The following CCDC138 variants were observed in gnomAD, a reference collection of about 807,000 sequenced individuals.
CCDC138 encodes the protein coiled-coil domain-containing protein 138.
A neutral mutation model predicts 82.3 loss-of-function variants in CCDC138; 66 were observed. The ratio of observed to expected loss-of-function variants is 0.80; its 90% CI spans 0.66 to 0.98. The LOEUF is 0.98. CCDC138 is among the 50% of genes least tolerant of loss of function. CCDC138 has a pLI of 0.00. For synonymous variants in CCDC138, 297 were observed against 265.4 expected (o/e 1.12, Z -1.16); for missense variants, 816 against 758.9 (o/e 1.08, Z -0.88).
chr2:108,875,305 AACTT>A (rs1490265550), intron 14 of CCDC138, among the ~76,000 whole-genome samples: 1 of 121,494 alleles, frequency 8.2e-6, no homozygotes, highest in Non-Finnish European at 1.7e-5. Context: ...TGTACCCTAA[AACTT>A]AAAGTATAAT....
intron 13 of CCDC138, among the ~76,000 whole-genome samples, chr2:108,871,624 A>G (rs1352130180): frequency 6.6e-6 from 1 of 152,148 alleles, no homozygotes; most frequent in Non-Finnish European, 1.5e-5. Flanking sequence ...TACATTGTTT[A>G]TGTTGGTAAA....
Position 108,843,890 on chromosome 2 carries a change from T to G in CCDC138, c.1324-2848T>G, listed in dbSNP as rs1490187249. Among the ~76,000 whole-genome samples, 12 of 130,218 alleles carry G rather than the reference T, an allele frequency of 9.2e-5. No homozygotes were observed. In the South Asian group the frequency reaches 3.2e-3, roughly 35 times the overall value. The allele number at this position is 130,218 out of a possible 152,430, so 85.4% of individuals were successfully genotyped here. On this transcript the variant is annotated intron_variant, in intron 11 of 14. Transcript: ENST00000295124. ...TGTGTGTGTGTGTGTTTCTTTCTTT[T>G]TTTTTTTTTTTTTTTTTTGAGACAG...
chr2:108,790,015 A>G (rs759630543), intron 3 of CCDC138, among the ~76,000 whole-genome samples: 1 of 152,216 alleles, frequency 6.6e-6, no homozygotes, highest in Non-Finnish European at 1.5e-5. Flanking sequence ...AAGTATCTGT[A>G]TGTTACATAA....
At chr2:108,788,167 C>T in intron 2 of CCDC138, 78 bp downstream of exon 2, 1 of 1,472,324 alleles carries the variant, frequency 6.8e-7, no homozygotes, top group East Asian at 2.4e-5. Flanking sequence ...GCCTGTAATC[C>T]CAGCACTTTG....
At chr2:108,864,199 A>G (rs181036500) in intron 13 of CCDC138, among the ~76,000 whole-genome samples, 1 of 152,356 alleles carries the variant, frequency 6.6e-6, no homozygotes, top group Admixed American at 6.5e-5. Flanking sequence ...GATGGGGGAT[A>G]AAATCTAACC....
chr2:108,879,986 G>A (rs529777321), downstream of CCDC138, among the ~76,000 whole-genome samples: 27 of 152,298 alleles, frequency 1.8e-4, no homozygotes, highest in Non-Finnish European at 2.1e-4. Flanking sequence ...AACTAAAAAT[G>A]TTAAGAGAAC....
chr2:108,829,843 C>T (rs565063688), intron 10 of CCDC138, among the ~76,000 whole-genome samples: 13 of 152,270 alleles, frequency 8.5e-5, no homozygotes, highest in African/African-American at 2.9e-4. Flanking sequence ...ATGTAAAATG[C>T]AGCTGCTGTG....
At chr2:108,850,615 C>A (rs1318554025) in intron 12 of CCDC138, among the ~76,000 whole-genome samples, 1 of 152,104 alleles carries the variant, frequency 6.6e-6, no homozygotes, top group African/African-American at 2.4e-5. Context: ...CCACACCCTG[C>A]TAATTTTTTC....
chr2:108,842,083 G>T (rs1689587151), intron 11 of CCDC138, among the ~76,000 whole-genome samples: 1 of 152,230 alleles, frequency 6.6e-6, no homozygotes, highest in Middle Eastern at 3.4e-3. Flanking sequence ...AGGCAGGAGT[G>T]CAGTGATGAT....
At chr2:108,863,283 T>A (rs1325686114) in intron 13 of CCDC138, among the ~76,000 whole-genome samples, 2 of 152,238 alleles carry the variant, frequency 1.3e-5, no homozygotes, top group African/African-American at 2.4e-5. Flanking sequence ...AACCTAATCC[T>A]ACATACATAT....
At chr2:108,821,818 G>C (rs1204806301) in intron 10 of CCDC138, among the ~76,000 whole-genome samples, 1 of 151,368 alleles carries the variant, frequency 6.6e-6, no homozygotes, top group Non-Finnish European at 1.5e-5. Context: ...AGTGGTGGGT[G>C]CCTATAATCC....
chr2:108,829,897 A>G (rs1687268857), intron 10 of CCDC138, among the ~76,000 whole-genome samples: 1 of 152,220 alleles, frequency 6.6e-6, no homozygotes, highest in Non-Finnish European at 1.5e-5. Flanking sequence ...ACATAGAATT[A>G]CCTTATGCAG....
At chr2:108,849,705 A>G (rs567031198) in intron 12 of CCDC138, among the ~76,000 whole-genome samples, 6 of 152,350 alleles carry the variant, frequency 3.9e-5, no homozygotes, top group Admixed American at 2.6e-4. Flanking sequence ...TCACTGTGGA[A>G]CAAGGAAGAG....
chr2:108,829,737 C>CT (rs1450200718), intron 10 of CCDC138, among the ~76,000 whole-genome samples: 4 of 152,140 alleles, frequency 2.6e-5, no homozygotes, highest in Non-Finnish European at 5.9e-5. Context: ...CAAATTGAGA[C>CT]TGTGTCAATA....
At chr2:108,802,992 C>CA (rs1682196208) in intron 6 of CCDC138, among the ~76,000 whole-genome samples, 2 of 152,294 alleles carry the variant, frequency 1.3e-5, no homozygotes, top group South Asian at 4.1e-4. Context: ...ACTTTGCTTT[C>CA]AAAGCCTTTG....
In CCDC138 at chr2:108,843,869, TGTGTGTG is replaced by T. The variant is rs1558716958; in HGVS notation, c.1324-2868_1324-2862del. On this transcript the variant is annotated intron_variant, in intron 11 of 14. Transcript: ENST00000295124. ...TTGTGTGTGTGTGTGTGTGTGTGTG[TGTGTGTG>T]TGTTTCTTTCTTTTTTTTTTTTTTT... Among the ~76,000 whole-genome samples the T allele has an allele frequency of 7.3e-4, 98 of 134,442 alleles. 3 individuals are homozygous for T. The highest frequency in any genetic ancestry group is 2.2e-3 in the African/African-American group (77 of 35,250). 88.2% of individuals were successfully genotyped at this position (134,442 alleles called of 152,430 possible).
chr2:108,831,025 A>C (rs1173492338), intron 10 of CCDC138, among the ~76,000 whole-genome samples: 3 of 151,998 alleles, frequency 2.0e-5, no homozygotes, highest in Non-Finnish European at 4.4e-5. Flanking sequence ...AAATACAAAA[A>C]TTAGCCAGGC....
chr2:108,858,163 G>T (rs758975656), intron 13 of CCDC138, among the ~76,000 whole-genome samples: 1 of 152,172 alleles, frequency 6.6e-6, no homozygotes, highest in African/African-American at 2.4e-5. Flanking sequence ...GGCCAACACG[G>T]TGAAACCCCG....
At chr2:108,828,594 GAGGA>G (rs1687032551) in intron 10 of CCDC138, among the ~76,000 whole-genome samples, 1 of 152,214 alleles carries the variant, frequency 6.6e-6, no homozygotes, top group Non-Finnish European at 1.5e-5. Flanking sequence ...CCACTCAGTG[GAGGA>G]AGGACAGTCT....
Sources: gnomAD v4.1 joint callset for allele counts (sites outside exome capture counted in the v4.1 genomes callset) on GRCh38, gnomAD v4.1.1 for gene constraint, MANE v1.5 for transcripts, NCBI Gene and HGNC (gene_info 2026-07-23, HGNC 2026-07-21) for gene names.